The following SCFD2 variants were observed in gnomAD, a reference collection of about 807,000 sequenced individuals.
The protein encoded by SCFD2 is sec1 family domain-containing protein 2.
In SCFD2, 54 loss-of-function variants were observed where a neutral mutation model predicts 58.9. That is an observed-to-expected ratio of 0.92 (90% CI 0.74 to 1.15). SCFD2 has a LOEUF of 1.15. Ranked by LOEUF, SCFD2 falls within the 50% of genes most tolerant of loss-of-function variation. The pLI, the probability that SCFD2 is intolerant of heterozygous loss-of-function variation, is 0.00. For synonymous variants in SCFD2, 321 were observed against 335.9 expected, an observed-to-expected ratio of 0.96 and a Z score of 0.49; for missense variants, 805 against 836.6, an observed-to-expected ratio of 0.96 and a Z score of 0.47.
chr4:53,087,629 G>A lies in SCFD2; in HGVS notation c.1561+57704C>T, dbSNP rs373449506. On this transcript the variant is annotated intron_variant, in intron 5 of 8. Coordinates refer to ENST00000401642, the MANE Select transcript of SCFD2 (RefSeq NM_152540.4). The stretch of plus-strand genomic sequence containing the variant: ...ATTACAGGCGTGAGCCACTGTGCCT[G>A]GCCAAAGCTATTTCTTTTTTCTTTT... 3.1e-3 allele frequency among the ~76,000 whole-genome samples: 466 copies of A among 151,280 alleles called. 1 individual carries two copies. Among genetic ancestry groups the A allele is most frequent in the African/African-American group, 0.01 (433 of 41,276 alleles).
At chr4:53,207,372 T>C (rs1441310425) in intron 4 of SCFD2, among the ~76,000 whole-genome samples, 1 of 146,406 alleles carries the variant, frequency 6.8e-6, no homozygotes, top group East Asian at 2.0e-4. Context: ...AGTGCTCACA[T>C]TTTTCAAACT....
At chr4:53,276,196 CTTATG>C (rs1166464409) in intron 3 of SCFD2, among the ~76,000 whole-genome samples, 1 of 144,936 alleles carries the variant, frequency 6.9e-6, no homozygotes, top group African/African-American at 2.5e-5. Context: ...AACAGTGCAT[CTTATG>C]TTAAGTTTAC....
At chr4:53,237,508 C>G (rs1729673777) in intron 4 of SCFD2, among the ~76,000 whole-genome samples, 1 of 28,618 alleles carries the variant, frequency 3.5e-5, no homozygotes, top group Non-Finnish European at 6.5e-5. Context: ...GGCGGCTGGC[C>G]GGGCGGGGGG....
chr4:53,170,820 T>C (rs181554668), intron 4 of SCFD2, among the ~76,000 whole-genome samples: 1 of 152,328 alleles, frequency 6.6e-6, no homozygotes, highest in East Asian at 1.9e-4. Context: ...TTGATTTCCT[T>C]TTCTGTTAGT....
At chr4:53,261,411 A>T (rs1207402720) in intron 4 of SCFD2, among the ~76,000 whole-genome samples, 3 of 152,026 alleles carry the variant, frequency 2.0e-5, no homozygotes, top group Non-Finnish European at 4.4e-5. Context: ...TGTATCCTAG[A>T]GGTTTTGATA....
At position 53,014,033 on chromosome 4, in the gene SCFD2, C is replaced by T. The variant is rs148872585; in HGVS notation, c.1562-93163G>A. Among the ~76,000 whole-genome samples the T allele has an allele frequency of 5.1e-4, 78 of 152,236 alleles. No individual in the cohort carries two copies. In the East Asian group the frequency reaches 0.011, roughly 21 times the overall value. On this transcript the variant is annotated intron_variant, in intron 5 of 8. Coordinates refer to ENST00000401642, the MANE Select transcript of SCFD2 (RefSeq NM_152540.4). ...TTGAGTTAACTCATCTTTATTAAGC[C>T]TGAGGTGCTGAGCATGTGTTGGGTC...
At chr4:52,909,901 C>T (rs565387112) in intron 6 of SCFD2, among the ~76,000 whole-genome samples, 21 of 152,244 alleles carry the variant, frequency 1.4e-4, no homozygotes, top group African/African-American at 4.6e-4. Context: ...GCAAATCCTG[C>T]AAATACTCTT....
At chr4:53,103,110 T>C (rs1236895473) in intron 5 of SCFD2, among the ~76,000 whole-genome samples, 1 of 152,140 alleles carries the variant, frequency 6.6e-6, no homozygotes, top group Non-Finnish European at 1.5e-5. Context: ...GCAGGATGTT[T>C]GTATGGTCTC....
intron 5 of SCFD2, among the ~76,000 whole-genome samples, chr4:53,007,104 G>T (rs989742610): frequency 1.3e-5 from 2 of 151,706 alleles, no homozygotes; most frequent in African/African-American, 4.8e-5. Flanking sequence ...AACGTAATGA[G>T]ACCCTGTCTC....
intron 5 of SCFD2, among the ~76,000 whole-genome samples, chr4:53,024,664 A>G (rs1722427806): frequency 6.6e-6 from 1 of 151,292 alleles, no homozygotes; most frequent in Non-Finnish European, 1.5e-5. Flanking sequence ...AGCAATCATT[A>G]GGGATAGTAC....
intron 4 of SCFD2, among the ~76,000 whole-genome samples, chr4:53,226,712 G>A (rs1051748479): frequency 8.5e-5 from 13 of 152,060 alleles, no homozygotes; most frequent in African/African-American, 3.1e-4. Flanking sequence ...ATTTAAATTA[G>A]GGTGATCAGT....
At chr4:53,111,685 T>TA (rs1725177537) in intron 5 of SCFD2, among the ~76,000 whole-genome samples, 1 of 152,148 alleles carries the variant, frequency 6.6e-6, no homozygotes, top group Non-Finnish European at 1.5e-5. Context: ...TTGCTAATTT[T>TA]ACCATTTAAC....
At chr4:53,194,816 C>T (rs1209344094) in intron 4 of SCFD2, among the ~76,000 whole-genome samples, 1 of 152,080 alleles carries the variant, frequency 6.6e-6, no homozygotes, top group Non-Finnish European at 1.5e-5. Context: ...TGTCTCCAAC[C>T]CAGTACACAC....
chr4:53,101,098 C>T (rs900464018), intron 5 of SCFD2, among the ~76,000 whole-genome samples: 1 of 152,116 alleles, frequency 6.6e-6, no homozygotes, highest in African/African-American at 2.4e-5. Flanking sequence ...GAAGAAACTA[C>T]CAATACTTTC....
intron 2 of SCFD2, among the ~76,000 whole-genome samples, chr4:53,323,027 T>C (rs1733072847): frequency 6.6e-6 from 1 of 152,258 alleles, no homozygotes; most frequent in Non-Finnish European, 1.5e-5. Flanking sequence ...ATCAGCATAA[T>C]CTTATATGCA....
At chr4:53,098,381 C>T (rs1724726088) in intron 5 of SCFD2, among the ~76,000 whole-genome samples, 1 of 152,106 alleles carries the variant, frequency 6.6e-6, no homozygotes, top group Non-Finnish European at 1.5e-5. Flanking sequence ...TTAATTATTG[C>T]TTCAATTTCG....
At chr4:53,196,151 T>C (rs1728050589) in intron 4 of SCFD2, among the ~76,000 whole-genome samples, 1 of 152,192 alleles carries the variant, frequency 6.6e-6, no homozygotes, top group South Asian at 2.1e-4. Flanking sequence ...CCTTAAATGA[T>C]CATTTTCTCC....
At chr4:53,060,749 A>T (rs1723487330) in intron 5 of SCFD2, among the ~76,000 whole-genome samples, 1 of 152,184 alleles carries the variant, frequency 6.6e-6, no homozygotes, top group Non-Finnish European at 1.5e-5. Flanking sequence ...TTAAAAAAAT[A>T]TAAAGATATG....
At chr4:53,300,896 A>G (rs1247669891) in intron 3 of SCFD2, among the ~76,000 whole-genome samples, 1 of 152,232 alleles carries the variant, frequency 6.6e-6, no homozygotes, top group Non-Finnish European at 1.5e-5. Context: ...GTTCTTTGAA[A>G]CCAACGACAA....
Sources: gnomAD v4.1 joint callset for allele counts (sites outside exome capture counted in the v4.1 genomes callset) on GRCh38, gnomAD v4.1.1 for gene constraint, MANE v1.5 for transcripts, NCBI Gene and HGNC (gene_info 2026-07-23, HGNC 2026-07-21) for gene names.